The following AFAP1L2 variants were observed in gnomAD, a reference collection of about 807,000 sequenced individuals.
AFAP1L2 encodes actin filament associated protein 1 like 2.
Under a neutral mutation model 99.3 loss-of-function variants are expected in AFAP1L2, and 46 were observed. The ratio of observed to expected loss-of-function variants is 0.46; its 90% confidence interval spans 0.37 to 0.59. The LOEUF (loss-of-function observed/expected upper bound fraction) is 0.59, where lower values mean the gene tolerates loss of function less well. AFAP1L2 is among the 20% of genes least tolerant of loss of function. AFAP1L2 has a pLI of 0.00. For synonymous variants in AFAP1L2, 397 were observed against 419.1 expected, an observed-to-expected ratio of 0.95 and a Z score of 0.64; for missense variants, 959 against 1,034.9, an observed-to-expected ratio of 0.93 and a Z score of 1.01.
intron 1 of AFAP1L2, among the ~76,000 whole-genome samples, chr10:114,348,349 A>C (rs1029221533): frequency 3.3e-5 from 5 of 152,110 alleles, no homozygotes; most frequent in African/African-American, 1.2e-4. Context: ...TACCCGAGAA[A>C]GTTTCTTTGT....
intron 1 of AFAP1L2, among the ~76,000 whole-genome samples, chr10:114,355,223 T>G (rs1002576126): frequency 2.0e-5 from 3 of 149,538 alleles, no homozygotes; most frequent in African/African-American, 7.4e-5. Context: ...GGAGGTTGCC[T>G]CCCCCACAGA....
chr10:114,301,637 C>G (rs1316461194), intron 12 of AFAP1L2, 172 bp from the exon 13 acceptor site: 1 of 584,578 alleles, frequency 1.7e-6, no homozygotes. Flanking sequence ...CCCTCTTTTC[C>G]CAGTGCCTTC....
At chr10:114,319,974 T>C (rs1196284476) in intron 5 of AFAP1L2, among the ~76,000 whole-genome samples, 4 of 152,156 alleles carry the variant, frequency 2.6e-5, no homozygotes, top group Non-Finnish European at 5.9e-5. Context: ...CTGCTCTCTC[T>C]TTGCAGAGGA....
chr10:114,392,981 AG>A (rs1590845353), intron 1 of AFAP1L2, among the ~76,000 whole-genome samples: 2 of 152,196 alleles, frequency 1.3e-5, no homozygotes, highest in East Asian at 1.9e-4. Context: ...TTAAGAAAAA[AG>A]GGGCTGATTG....
intron 1 of AFAP1L2, among the ~76,000 whole-genome samples, chr10:114,395,740 G>A (rs2057634546): frequency 6.6e-6 from 1 of 152,108 alleles, no homozygotes; most frequent in Admixed American, 6.5e-5. Context: ...GCCCAGGGGA[G>A]ATTGTGGCAG....
chr10:114,377,259 C>G lies in AFAP1L2; in HGVS notation c.16+27181G>C, dbSNP rs2054929011. Among the ~76,000 whole-genome samples, 1 of 152,218 alleles carries G rather than the reference C, an allele frequency of 6.6e-6. No individual in the cohort carries two copies. Among genetic ancestry groups the G allele is most frequent in the South Asian group, 2.1e-4 (1 of 4,834 alleles). ...CAAGTGTAGCAGAAGGAATGTTTTA[C>G]CAGAGTATCTGGAAAGCCTAGTAGA... is the stretch of plus-strand genomic sequence containing the variant. On this transcript the variant is annotated intron_variant, in intron 1 of 18. Coordinates refer to ENST00000304129, the MANE Select transcript of AFAP1L2 (RefSeq NM_001001936.3). The surrounding 1 kb of genome is among the most constrained non-coding windows in gnomAD (Gnocchi z 4.0).
chr10:114,349,471 C>T (rs551161491), intron 1 of AFAP1L2, among the ~76,000 whole-genome samples: 1 of 150,384 alleles, frequency 6.6e-6, no homozygotes, highest in South Asian at 2.1e-4. Context: ...CACCTGTAGT[C>T]CCAGCTACCC....
chr10:114,334,177 C>A (rs1049583485), intron 2 of AFAP1L2, among the ~76,000 whole-genome samples: 5 of 152,208 alleles, frequency 3.3e-5, no homozygotes, highest in Non-Finnish European at 7.3e-5. Flanking sequence ...TGGCACAATC[C>A]ATGCCTCCTT....
the AFAP1L2 span, chr10:114,289,330 C>G: frequency 2.5e-6 from 4 of 1,614,256 alleles, no homozygotes; most frequent in Non-Finnish European, 3.4e-6. Flanking sequence ...TGCCCAGAAG[C>G]TGAGGAACAA....
intron 1 of AFAP1L2, among the ~76,000 whole-genome samples, chr10:114,345,634 A>G (rs1299375152): frequency 1.3e-5 from 2 of 152,222 alleles, no homozygotes; most frequent in Non-Finnish European, 2.9e-5. Context: ...CCTGATGAGT[A>G]GCGGCACGGG....
chr10:114,369,729 T>C (rs1192505141), intron 1 of AFAP1L2, among the ~76,000 whole-genome samples: 1 of 152,150 alleles, frequency 6.6e-6, no homozygotes, highest in Non-Finnish European at 1.5e-5. Flanking sequence ...TGGTTTTACC[T>C]ATGCCTCCAC....
At chr10:114,281,253 G>C in the AFAP1L2 span, 1 of 152,280 alleles carries the variant, frequency 6.6e-6, no homozygotes, top group Non-Finnish European at 1.5e-5. Flanking sequence ...GCCATCCCAG[G>C]AGCTGCTGCC....
At chr10:114,312,812 G>A (rs2134609902) in intron 7 of AFAP1L2, among the ~76,000 whole-genome samples, 1 of 152,282 alleles carries the variant, frequency 6.6e-6, no homozygotes, top group East Asian at 1.9e-4. Flanking sequence ...ACCACTTGAA[G>A]ATTTTGCAAT....
At chr10:114,325,945 C>T in intron 4 of AFAP1L2, 2 of 1,289,376 alleles carry the variant, frequency 1.6e-6, no homozygotes, top group South Asian at 2.5e-5. Flanking sequence ...GGCTGGGCCT[C>T]CAGCTCCAGC....
intron 1 of AFAP1L2, among the ~76,000 whole-genome samples, chr10:114,386,730 GC>G (rs749901025): frequency 6.6e-6 from 1 of 152,218 alleles, no homozygotes; most frequent in Non-Finnish European, 1.5e-5. Flanking sequence ...GGAATCAGCA[GC>G]CAGGGAGTGA....
Position 114,362,697 on chromosome 10 carries a change from T to G in AFAP1L2, c.17-21966A>C, listed in dbSNP as rs542327525. On this transcript the variant is annotated intron_variant, in intron 1 of 18. Transcript: ENST00000304129. ...TGTTATGGTAGCCCCGGAAAATTAA[T>G]ACACCCCCATCAACTCACGGAGCTA... 9.3e-4 allele frequency among the ~76,000 whole-genome samples: 142 copies of G among 152,194 alleles called. 1 individual carries two copies. The highest frequency in any genetic ancestry group is 3.3e-3 in the African/African-American group (135 of 41,530).
At chr10:114,385,257 G>A (rs931878636) in intron 1 of AFAP1L2, among the ~76,000 whole-genome samples, 11 of 152,154 alleles carry the variant, frequency 7.2e-5, no homozygotes, top group African/African-American at 1.2e-4. Context: ...TTTAGGAGAG[G>A]CTATTTCATC....
At chr10:114,353,241 G>T (rs571034529) in intron 1 of AFAP1L2, among the ~76,000 whole-genome samples, 16 of 152,312 alleles carry the variant, frequency 1.1e-4, no homozygotes, top group Admixed American at 7.8e-4. Context: ...GCCATCTCCA[G>T]AAACAGTCCG....
At chr10:114,346,771 G>T (rs576854662) in intron 1 of AFAP1L2, among the ~76,000 whole-genome samples, 1 of 152,294 alleles carries the variant, frequency 6.6e-6, no homozygotes, top group East Asian at 1.9e-4. Context: ...AGGGTTGTCT[G>T]CTTAGGGTCA....
Sources: allele counts gnomAD v4.1 joint callset (sites outside exome capture counted in the v4.1 genomes callset), GRCh38; gene constraint gnomAD v4.1.1; non-coding constraint Gnocchi (gnomAD v3.1); transcripts MANE v1.5; gene names NCBI Gene and HGNC (gene_info 2026-07-23, HGNC 2026-07-21).